EPS15: variants seen among roughly 807,000 people sequenced by gnomAD.
The protein encoded by EPS15 is epidermal growth factor receptor pathway substrate 15.
A neutral mutation model predicts 113.8 loss-of-function variants in EPS15; 72 were observed. That is an observed-to-expected ratio of 0.63 (90% CI 0.52 to 0.77). The LOEUF is 0.77. EPS15 is among the 30% of genes least tolerant of loss of function. The probability of loss-of-function intolerance (pLI) is 0.00; values close to 1 mark genes in which losing one functional copy is unlikely to be tolerated. For missense variants in EPS15, 1,048 were observed against 1,045.8 expected, an observed-to-expected ratio of 1.00 and a Z score of -0.03; for synonymous variants, 344 against 363.4, an observed-to-expected ratio of 0.95 and a Z score of 0.61.
intron 11 of EPS15, 93 bp from the exon 12 acceptor site, chr1:51,440,525 G>A: frequency 2.1e-6 from 1 of 474,196 alleles, no homozygotes; most frequent in Non-Finnish European, 3.7e-6. Flanking sequence ...GCAGATATAA[G>A]GTATTGCATA....
intron 13 of EPS15, among the ~76,000 whole-genome samples, chr1:51,417,590 G>C (rs905985715): frequency 3.9e-5 from 6 of 152,298 alleles, no homozygotes; most frequent in African/African-American, 1.4e-4. Flanking sequence ...GTAACATATG[G>C]TTCATGCCAT....
intron 12 of EPS15, among the ~76,000 whole-genome samples, chr1:51,429,136 C>G (rs1202570889): frequency 1.3e-5 from 2 of 152,120 alleles, no homozygotes; most frequent in African/African-American, 4.8e-5. Context: ...TTCCATATTC[C>G]TGGGATTACA....
At chr1:51,470,378 C>T (rs1461790457) in intron 4 of EPS15, among the ~76,000 whole-genome samples, 1 of 152,126 alleles carries the variant, frequency 6.6e-6, no homozygotes, top group Non-Finnish European at 1.5e-5. Context: ...GGCACGGTGG[C>T]TCACGCCTGT....
At chr1:51,497,851 C>T (rs1364349680) in intron 1 of EPS15, among the ~76,000 whole-genome samples, 1 of 151,936 alleles carries the variant, frequency 6.6e-6, no homozygotes, top group East Asian at 1.9e-4. Context: ...GTGGTGCGCG[C>T]CTGTAGTCCC....
intron 21 of EPS15, among the ~76,000 whole-genome samples, chr1:51,378,541 A>G (rs1243665887): frequency 6.6e-6 from 1 of 152,162 alleles, no homozygotes; most frequent in African/African-American, 2.4e-5. Flanking sequence ...CCATCTAAAA[A>G]AATCTAATTC....
At chr1:51,461,217 A>G in intron 7 of EPS15, 67 bp from the exon 8 acceptor site, 1 of 1,209,436 alleles carries the variant, frequency 8.3e-7, no homozygotes, top group South Asian at 1.2e-5. Flanking sequence ...GAGGGCAAGA[A>G]AAGAAAGTTT....
intron 1 of EPS15, among the ~76,000 whole-genome samples, chr1:51,513,301 G>T (rs1416983346): frequency 6.6e-6 from 1 of 152,132 alleles, no homozygotes; most frequent in African/African-American, 2.4e-5. Context: ...GCATTAGGTG[G>T]CCAGTAAAAT....
At chr1:51,370,029 C>G (rs938839752) in intron 21 of EPS15, among the ~76,000 whole-genome samples, 1 of 152,162 alleles carries the variant, frequency 6.6e-6, no homozygotes, top group East Asian at 1.9e-4. Context: ...ACAAATAATT[C>G]CCTGAAAAAC....
intron 12 of EPS15, chr1:51,423,163 C>G (rs1005549867): frequency 7.9e-7 from 1 of 1,268,142 alleles, no homozygotes; most frequent in Non-Finnish European, 1.0e-6. Flanking sequence ...GCTATTTGTA[C>G]ACTGTTACTT....
intron 1 of EPS15, among the ~76,000 whole-genome samples, chr1:51,485,647 C>T (rs986048611): frequency 2.0e-5 from 3 of 152,042 alleles, no homozygotes; most frequent in Non-Finnish European, 4.4e-5. Context: ...TTAGCAAATA[C>T]CAATTATTAT....
chr1:51,397,254 C>G (rs1210240548), intron 20 of EPS15: 1 of 152,140 alleles, frequency 6.6e-6, no homozygotes, highest in African/African-American at 2.4e-5. Flanking sequence ...GAGCTTGGCA[C>G]CATCCCTGGC....
intron 1 of EPS15, among the ~76,000 whole-genome samples, chr1:51,507,783 A>G (rs1383835135): frequency 6.6e-6 from 1 of 152,176 alleles, no homozygotes; most frequent in Non-Finnish European, 1.5e-5. Flanking sequence ...AAACGATGTA[A>G]AAGACTAAAA....
intron 13 of EPS15, among the ~76,000 whole-genome samples, chr1:51,414,877 A>G (rs1650065323): frequency 6.6e-6 from 1 of 152,210 alleles, no homozygotes; most frequent in Admixed American, 6.5e-5. Flanking sequence ...AGAAATTTAT[A>G]CATATTTGTA....
chr1:51,428,473 G>C (rs1353599941), intron 12 of EPS15, among the ~76,000 whole-genome samples: 1 of 151,220 alleles, frequency 6.6e-6, no homozygotes, highest in Non-Finnish European at 1.5e-5. Context: ...GATATAGTTT[G>C]TGACATCAAT....
intron 21 of EPS15, among the ~76,000 whole-genome samples, chr1:51,393,037 A>G (rs1432239114): frequency 2.6e-5 from 4 of 152,164 alleles, no homozygotes; most frequent in Non-Finnish European, 5.9e-5. Flanking sequence ...TCTCATTCTA[A>G]GTTTCTATTT....
intron 1 of EPS15, among the ~76,000 whole-genome samples, chr1:51,508,338 GAGAAAGAA>G (rs369528436): frequency 0.036 from 4,366 of 122,168 alleles, 104 homozygotes; most frequent in African/African-American, 0.04. Context: ...AAGAGAAAGA[GAGAAAGAA>G]AGAAAGAAAG....
chr1:51,411,374 A>C (rs1291902636), intron 13 of EPS15, among the ~76,000 whole-genome samples: 1 of 152,192 alleles, frequency 6.6e-6, no homozygotes, highest in African/African-American at 2.4e-5. Context: ...TCTGCAAAGA[A>C]AGGCAAAAAG....
chr1:51,409,217 C>A (rs1414475599), intron 14 of EPS15, among the ~76,000 whole-genome samples: 1 of 152,112 alleles, frequency 6.6e-6, no homozygotes, highest in Non-Finnish European at 1.5e-5. Flanking sequence ...CCACTGTGCC[C>A]AGCCAATTAT....
chr1:51,389,743 G>C (rs1647206010), intron 21 of EPS15, among the ~76,000 whole-genome samples: 2 of 152,216 alleles, frequency 1.3e-5, no homozygotes, highest in South Asian at 4.1e-4. Flanking sequence ...AAATACCTAG[G>C]AATCCAACTT....
Sources: gnomAD v4.1 joint callset for allele counts (sites outside exome capture counted in the v4.1 genomes callset) on GRCh38, gnomAD v4.1.1 for gene constraint, MANE v1.5 for transcripts, NCBI Gene and HGNC (gene_info 2026-07-23, HGNC 2026-07-21) for gene names.